The following SUGT1 variants were observed in gnomAD, a reference collection of about 807,000 sequenced individuals.
SUGT1 encodes protein SGT1 homolog.
A neutral mutation model predicts 56.1 loss-of-function variants in SUGT1; 15 were observed. The observed-to-expected ratio is 0.27, with a 90% CI of 0.18 to 0.41. The LOEUF (loss-of-function observed/expected upper bound fraction) is 0.41. SUGT1 is among the 10% of genes least tolerant of loss of function. The pLI is 1.00. For synonymous variants in SUGT1, 123 were observed against 128.6 expected (o/e 0.96, Z 0.30); for missense variants, 347 against 382.2 (o/e 0.91, Z 0.77).
intron 2 of SUGT1, among the ~76,000 whole-genome samples, chr13:52,654,427 T>C (rs1326832940): frequency 5.3e-5 from 8 of 152,254 alleles, no homozygotes. Flanking sequence ...TTATTGTCAC[T>C]TTCCATCTTC....
At position 52,665,612 on chromosome 13, in the gene SUGT1, T is replaced by C. The variant is rs201529445; in HGVS notation, c.423-25T>C. The C allele has an allele frequency of 2.1e-4, 311 of 1,497,840 alleles. 1 individual carries two copies. The East Asian group carries it at 5.8e-3, about 28-fold the overall frequency. The allele number at this position is 1,497,840 out of a possible 1,614,324, so 92.8% of individuals were successfully genotyped here. A position where few individuals can be genotyped will look rare whatever the true frequency, so the allele number is the denominator to read the frequency against. ...CTTTAAAAAAATTAGAAGAGTTACCTAAGTTTCTTTTTTTTTTTTAATAGG... is the reference window on the plus strand; with the variant it reads ...CTTTAAAAAAATTAGAAGAGTTACCCAAGTTTCTTTTTTTTTTTTAATAGG... On this transcript the variant is annotated intron_variant, in intron 8 of 12. Transcript: ENST00000310528.
chr13:52,658,452 G>A lies in SUGT1; in HGVS notation c.241G>A (p.Ala81Thr). 2 of 1,612,988 alleles carry A rather than the reference G, an allele frequency of 1.2e-6. No individual in the cohort carries two copies. Among genetic ancestry groups the A allele is most frequent in the African/African-American group, 1.3e-5 (1 of 74,984 alleles). The change falls in exon 4 of 13, where the codon GCT becomes ACT. Residue 81 changes from alanine (A) to threonine (T), a missense_variant. Transcript: ENST00000310528. ...AGAACTCAATCCAAATAATTCCACT[G>A]CTATGCTGAGAAAAGGGTATGCAGT... ...SLELNPNNST[A>T]MLRKGICEYH...
chr13:52,700,834 C>G lies in SUGT1; in HGVS notation c.*12999C>G, dbSNP rs1230861893. 1 of 152,106 alleles carries G rather than the reference C, an allele frequency of 6.6e-6. No individual in the cohort carries two copies. Among genetic ancestry groups the G allele is most frequent in the African/African-American group, 2.4e-5 (1 of 41,424 alleles). 9.4% of individuals were successfully genotyped at this position (152,106 alleles called of 1,614,324 possible). A position where few individuals can be genotyped will look rare whatever the true frequency, so the allele number is the denominator to read the frequency against. On this transcript the variant is annotated 3_prime_UTR_variant, in exon 13 of 13. Coordinates refer to ENST00000310528, the MANE Select transcript of SUGT1 (RefSeq NM_006704.5). ...AGCTTATACAGAAATAAAATTAAGTCAATCCACTCACAAAGAATTTCTATT... is the reference window on the plus strand; with the variant it reads ...AGCTTATACAGAAATAAAATTAAGTGAATCCACTCACAAAGAATTTCTATT...
At chr13:52,669,488 T>C (rs1012929050) in intron 10 of SUGT1, among the ~76,000 whole-genome samples, 5 of 152,196 alleles carry the variant, frequency 3.3e-5, no homozygotes, top group African/African-American at 1.2e-4. Flanking sequence ...AAAACAATCA[T>C]GTTAATGGAG....
chr13:52,682,240 C>G lies in SUGT1; in HGVS notation c.900+2085C>G, dbSNP rs555104169. Among the ~76,000 whole-genome samples, 11 of 152,098 alleles carry G rather than the reference C, an allele frequency of 7.2e-5. No homozygotes were observed. In the South Asian group the frequency reaches 1.9e-3, roughly 26 times the overall value. ...TAGAGACAGGGTCTCATTCTGTCAC[C>G]CAGGCTGAAGTACAGTGGCACAGTC... On this transcript the variant is annotated intron_variant, in intron 12 of 12. Coordinates refer to ENST00000310528, the MANE Select transcript of SUGT1 (RefSeq NM_006704.5).
At chr13:52,657,457 A>T in intron 2 of SUGT1, 75 bp from the exon 3 acceptor site, 1 of 1,263,058 alleles carries the variant, frequency 7.9e-7, no homozygotes, top group Non-Finnish European at 1.1e-6. Context: ...TTACTTGATT[A>T]AAAATTATGT....
intron 11 of SUGT1, 34 bp downstream of exon 11, chr13:52,676,354 A>G: frequency 6.5e-7 from 1 of 1,533,742 alleles, no homozygotes; most frequent in Non-Finnish European, 8.9e-7. Flanking sequence ...CTTTATATTC[A>G]TATTGTGTTG....
chr13:52,663,008 A>G, intron 6 of SUGT1, 88 bp from the exon 7 acceptor site: 1 of 1,414,788 alleles, frequency 7.1e-7, no homozygotes, highest in Non-Finnish European at 9.7e-7. Context: ...TTGCTTAATC[A>G]GTATGTTTGT....
chr13:52,657,597 T>G lies in SUGT1; in HGVS notation c.162T>G (p.Cys54Trp). The change falls in exon 3 of 13, where the codon TGT becomes TGG. Residue 54 changes from cysteine to tryptophan, a missense_variant. By Grantham distance (215) the Cys-to-Trp change is radical. Coordinates refer to ENST00000310528, the MANE Select transcript of SUGT1 (RefSeq NM_006704.5). ...DAQYYCQRAYCHILLGNYCVA... is the reference protein window; with the variant it reads ...DAQYYCQRAYWHILLGNYCVA... ...AGTATTATTGTCAAAGAGCTTATTGTCACATTCTTCTTGGGAATTACTGTG... is the reference window on the plus strand; with the variant it reads ...AGTATTATTGTCAAAGAGCTTATTGGCACATTCTTCTTGGGAATTACTGTG... 2.5e-6 allele frequency: 4 copies of G among 1,613,696 alleles called. No individual in the cohort carries two copies. The highest frequency in any genetic ancestry group is 3.4e-6 in the Non-Finnish European group (4 of 1,179,732).
At position 52,680,148 on chromosome 13, in the gene SUGT1, A is replaced by G; in HGVS notation, c.893A>G (p.Lys298Arg). The G allele has an allele frequency of 6.3e-7, 1 of 1,576,094 alleles. No homozygotes were observed. Among genetic ancestry groups the G allele is most frequent in the East Asian group, 2.3e-5 (1 of 43,010 alleles). Residue 298 changes from lysine (K) to arginine (R), a missense_variant, in exon 12 of 13, where the codon AAA becomes AGA. By Grantham distance (26) the Lys-to-Arg change is conservative. Coordinates refer to ENST00000310528, the MANE Select transcript of SUGT1 (RefSeq NM_006704.5). Reference sequence around the variant, plus strand: ...GATGAAGTGAAACGTGCCATGAACAAATCCTTTGTAAGAATATAAACTTAA... The same window carrying G: ...GATGAAGTGAAACGTGCCATGAACAGATCCTTTGTAAGAATATAAACTTAA... ...GSDEVKRAMN[K>R]SFMESGGTVL...
At chr13:52,674,657 G>A (rs548702440) in intron 10 of SUGT1, among the ~76,000 whole-genome samples, 27 of 152,106 alleles carry the variant, frequency 1.8e-4, no homozygotes, top group African/African-American at 5.5e-4. Context: ...CTTTTTTTAA[G>A]TCTGCCTTTT....
At position 52,687,849 on chromosome 13, in the gene SUGT1, C is replaced by G. The variant is rs1566201850; in HGVS notation, c.*14C>G. ...AAAAAGTACTAAATAAATTAATTTG[C>G]TCTCATCGTATTGTGTATATTCACC... is the stretch of plus-strand genomic sequence containing the variant. On this transcript the variant is annotated 3_prime_UTR_variant, in exon 13 of 13. Transcript: ENST00000310528. The G allele has an allele frequency of 6.4e-7, 1 of 1,554,436 alleles. No individual in the cohort carries two copies. The highest frequency in any genetic ancestry group is 8.7e-7 in the Non-Finnish European group (1 of 1,144,344).
At chr13:52,668,441 G>C (rs1962804806) in intron 10 of SUGT1, among the ~76,000 whole-genome samples, 1 of 152,238 alleles carries the variant, frequency 6.6e-6, no homozygotes, top group Admixed American at 6.5e-5. Flanking sequence ...CACAGCTGCA[G>C]AGGGTTGGAG....
At chr13:52,679,052 C>T (rs1963262764) in intron 11 of SUGT1, among the ~76,000 whole-genome samples, 1 of 152,144 alleles carries the variant, frequency 6.6e-6, no homozygotes, top group African/African-American at 2.4e-5. Flanking sequence ...TATTAAACTG[C>T]ATTTCACCTG....
In SUGT1 at chr13:52,687,957, T is replaced by G. The variant is rs1019504705; in HGVS notation, c.*122T>G. The G allele has an allele frequency of 1.8e-6, 1 of 565,002 alleles. No homozygotes were observed. The highest frequency in any genetic ancestry group is 2.9e-6 in the Non-Finnish European group (1 of 347,002). 35.0% of individuals were successfully genotyped at this position (565,002 alleles called of 1,614,324 possible). ...TGAAAGATTATACTTCTTTACCTCTTTGTGCTTTAGAAATTATTTTCCTTC... is the reference window on the plus strand; with the variant it reads ...TGAAAGATTATACTTCTTTACCTCTGTGTGCTTTAGAAATTATTTTCCTTC... On this transcript the variant is annotated 3_prime_UTR_variant, in exon 13 of 13. Transcript: ENST00000310528.
chr13:52,652,852 C>A lies in SUGT1; in HGVS notation c.-69C>A. Reference sequence around the variant, plus strand: ...TTGGTGTTTCTCCAGAAGTTTCCCCCTTGGGCGGTGGTGGAGGTGGTAACC... The same window carrying A: ...TTGGTGTTTCTCCAGAAGTTTCCCCATTGGGCGGTGGTGGAGGTGGTAACC... On this transcript the variant is annotated 5_prime_UTR_variant, in exon 1 of 13. Transcript: ENST00000310528. 3 of 1,577,844 alleles carry A rather than the reference C, an allele frequency of 1.9e-6. No homozygotes were observed. The highest frequency in any genetic ancestry group is 2.6e-6 in the Non-Finnish European group (3 of 1,160,488).
At chr13:52,657,910 CG>C (rs1196422014) in intron 3 of SUGT1, among the ~76,000 whole-genome samples, 1 of 152,032 alleles carries the variant, frequency 6.6e-6, no homozygotes, top group East Asian at 1.9e-4. Context: ...ATGAAATGCT[CG>C]TTTAAATTTT....
rs1963900483 is a variant in SUGT1, at chr13:52,695,369, A to G, written c.*7534A>G. The G allele has an allele frequency of 6.6e-6, 1 of 152,174 alleles. No individual in the cohort carries two copies. Among genetic ancestry groups the G allele is most frequent in the Admixed American group, 6.5e-5 (1 of 15,282 alleles). 9.4% of individuals were successfully genotyped at this position (152,174 alleles called of 1,614,324 possible). A position where few individuals can be genotyped will look rare whatever the true frequency, so the allele number is the denominator to read the frequency against. ...GTAATGGAAGGAGTAGTAACTTATG[A>G]ATCTAGACTCTTAAAATCCCAGTTC... On this transcript the variant is annotated 3_prime_UTR_variant, in exon 13 of 13. Coordinates refer to ENST00000310528, the MANE Select transcript of SUGT1 (RefSeq NM_006704.5).
At chr13:52,668,824 C>CT (rs1419521981) in intron 10 of SUGT1, among the ~76,000 whole-genome samples, 3 of 140,852 alleles carry the variant, frequency 2.1e-5, no homozygotes, top group Non-Finnish European at 4.5e-5. Flanking sequence ...GAGTGAGACT[C>CT]TGTCTCAAAA....
Sources: gnomAD v4.1 joint callset for allele counts (sites outside exome capture counted in the v4.1 genomes callset) on GRCh38, gnomAD v4.1.1 for gene constraint, MANE v1.5 for transcripts, NCBI Gene and HGNC (gene_info 2026-07-23, HGNC 2026-07-21) for gene names.